Variants in MTOR observed in about 807,000 individuals in gnomAD.
MTOR encodes the protein serine/threonine-protein kinase mTOR.
MTOR carries 70 observed loss-of-function variants against 319.8 expected under a neutral mutation model. The observed-to-expected ratio is 0.22, with a 90% CI of 0.18 to 0.27. MTOR has a LOEUF of 0.27. MTOR is among the 10% of genes least tolerant of loss of function. The pLI is 1.00. For synonymous variants in MTOR, 1,183 were observed against 1,211.4 expected, an observed-to-expected ratio of 0.98 and a Z score of 0.49; for missense variants, 1,890 against 3,274.4, an observed-to-expected ratio of 0.58 and a Z score of 10.32.
chr1:11,158,649 G>C (rs1030975758), intron 29 of MTOR, among the ~76,000 whole-genome samples: 4 of 151,760 alleles, frequency 2.6e-5, no homozygotes, highest in African/African-American at 9.7e-5. Flanking sequence ...ACTTAGAAAA[G>C]AGTGACTACA....
intron 34 of MTOR, among the ~76,000 whole-genome samples, chr1:11,142,588 T>C (rs549940473): frequency 4.6e-5 from 7 of 152,210 alleles, no homozygotes; most frequent in Non-Finnish European, 1.0e-4. Flanking sequence ...TGAGCCACCA[T>C]GCCTGGCCAA....
intron 29 of MTOR, among the ~76,000 whole-genome samples, chr1:11,165,064 CT>C (rs1487120506): frequency 2.0e-5 from 3 of 152,192 alleles, no homozygotes; most frequent in Non-Finnish European, 4.4e-5. Flanking sequence ...ATGCTAAAAA[CT>C]CTCAATAAAT....
At chr1:11,178,647 T>C (rs1645058975) in intron 28 of MTOR, among the ~76,000 whole-genome samples, 1 of 152,050 alleles carries the variant, frequency 6.6e-6, no homozygotes, top group Non-Finnish European at 1.5e-5. Context: ...CTTCTTCACA[T>C]CCAGAGAGAA....
intron 5 of MTOR, among the ~76,000 whole-genome samples, chr1:11,255,194 C>A (rs1485237685): frequency 6.6e-6 from 1 of 151,778 alleles, no homozygotes; most frequent in African/African-American, 2.4e-5. Flanking sequence ...ACCATCCTGG[C>A]CAATATGGTG....
intron 1 of MTOR, among the ~76,000 whole-genome samples, chr1:11,260,065 G>A (rs1650919048): frequency 6.6e-6 from 1 of 152,202 alleles, no homozygotes; most frequent in South Asian, 2.1e-4. Flanking sequence ...AAACAGTGCA[G>A]GGCATATACT....
chr1:11,209,485 C>G lies in MTOR; in HGVS notation c.3655-27G>C, dbSNP rs759841677. ...TACAACCAAAGATTTATAGGAAACA[C>G]CTATAACTCTACTAGATGCTTCTGG... On this transcript the variant is annotated intron_variant, in intron 24 of 57. Coordinates refer to ENST00000361445, the MANE Select transcript of MTOR (RefSeq NM_004958.4). 11 of 1,613,138 alleles carry G rather than the reference C, an allele frequency of 6.8e-6. No homozygotes were observed. In the East Asian group the frequency reaches 2.0e-4, roughly 29 times the overall value.
At chr1:11,202,967 C>G (rs1209207459) in intron 26 of MTOR, among the ~76,000 whole-genome samples, 2 of 151,706 alleles carry the variant, frequency 1.3e-5, no homozygotes, top group African/African-American at 4.8e-5. Context: ...AATCCCAGCA[C>G]TCTGGGAGGC....
chr1:11,195,192 G>C (rs1264780902), intron 28 of MTOR: 1 of 726,860 alleles, frequency 1.4e-6, no homozygotes, highest in Non-Finnish European at 2.2e-6. Context: ...TATGTACCAA[G>C]GATGTTACAG....
chr1:11,137,152 T>TTAA (rs377207561), intron 36 of MTOR, among the ~76,000 whole-genome samples: 1 of 73,374 alleles, frequency 1.4e-5, no homozygotes, highest in South Asian at 5.9e-4. Context: ...TAAATCTGAT[T>TTAA]AAAAAAAAAA....
intron 18 of MTOR, 70 bp downstream of exon 18, chr1:11,230,855 T>C (rs1417039701): frequency 2.5e-6 from 4 of 1,602,936 alleles, no homozygotes; most frequent in Non-Finnish European, 3.4e-6. Context: ...CTCCAGACTT[T>C]CTAAACACAA....
intron 36 of MTOR, among the ~76,000 whole-genome samples, chr1:11,135,305 A>T (rs774733988): frequency 1.2e-4 from 19 of 152,360 alleles, no homozygotes; most frequent in South Asian, 2.1e-4. Flanking sequence ...ATAGAAAAAA[A>T]AATAATAATA....
rs889191166 is a variant in MTOR at position 11,231,492 on chromosome 1, T to C, written c.2515-58A>G. 31 of 1,589,850 alleles carry C rather than the reference T, an allele frequency of 1.9e-5. No individual in the cohort carries two copies. The Admixed American group carries it at 2.4e-4, about 13-fold the overall frequency. ...CAGTACGAGAGAAAAGAAAGCATAG[T>C]TGAACTCTTTGTATAATGATTATAA... On this transcript the variant is annotated intron_variant, in intron 16 of 57. Transcript: ENST00000361445.
intron 25 of MTOR, among the ~76,000 whole-genome samples, chr1:11,207,005 G>T (rs1251268289): frequency 1.3e-5 from 2 of 152,152 alleles, no homozygotes; most frequent in Non-Finnish European, 2.9e-5. Context: ...TCTGAAAGTT[G>T]GTTAAGACTG....
intron 37 of MTOR, among the ~76,000 whole-genome samples, 155 bp downstream of exon 37, chr1:11,134,196 G>A (rs1643296192): frequency 6.6e-6 from 1 of 152,220 alleles, no homozygotes; most frequent in Admixed American, 6.5e-5. Context: ...TTTGAGAGCA[G>A]TATGCTTTGG....
chr1:11,185,333 T>G (rs1306449758), intron 28 of MTOR, among the ~76,000 whole-genome samples: 44 of 149,580 alleles, frequency 2.9e-4, no homozygotes, highest in African/African-American at 1.0e-3. Flanking sequence ...CCTAGCACTT[T>G]GAGAGGCTGA....
chr1:11,175,419 A>G (rs10492975), intron 28 of MTOR, among the ~76,000 whole-genome samples: 8,707 of 152,298 alleles, frequency 0.057, 349 homozygotes, highest in South Asian at 0.12. Context: ...GCCTCCTTTC[A>G]TCAAATTCGA....
intron 6 of MTOR, among the ~76,000 whole-genome samples, chr1:11,251,845 A>C (rs892602726): frequency 6.6e-6 from 1 of 152,086 alleles, no homozygotes; most frequent in African/African-American, 2.4e-5. Flanking sequence ...ATTTCAATGA[A>C]ATCTGACAAC....
intron 28 of MTOR, chr1:11,194,580 G>T (rs1274347845): frequency 6.2e-7 from 1 of 1,614,190 alleles, no homozygotes; most frequent in Non-Finnish European, 8.5e-7. Flanking sequence ...ACGCCCTCCA[G>T]TATCATAACA....
chr1:11,120,384 C>T (rs1054706709), intron 49 of MTOR, among the ~76,000 whole-genome samples: 7 of 152,024 alleles, frequency 4.6e-5, no homozygotes, highest in Admixed American at 1.3e-4. Flanking sequence ...ACTAAGAATA[C>T]AAAAATTAAC....
Sources: allele counts gnomAD v4.1 joint callset (sites outside exome capture counted in the v4.1 genomes callset), GRCh38; gene constraint gnomAD v4.1.1; transcripts MANE v1.5; gene names NCBI Gene and HGNC (gene_info 2026-07-23, HGNC 2026-07-21).